Variants in LY75 observed in about 807,000 individuals in gnomAD.
The protein encoded by LY75 is C-type lectin domain family 13 member B.
In LY75, 185 loss-of-function variants were observed where a neutral mutation model predicts 231.7. That is an observed-to-expected ratio of 0.80 (90% confidence interval 0.71 to 0.90). LY75 has a LOEUF of 0.90. Among genes scored for constraint, LY75 ranks in the 40% least tolerant of loss-of-function variants. LY75 has a pLI of 0.00. For synonymous variants in LY75, 668 were observed against 689.0 expected (o/e 0.97, Z 0.48); for missense variants, 1,947 against 2,050.2 (o/e 0.95, Z 0.97).
intron 33 of LY75, chr2:159,808,089 G>A (rs908606247): frequency 4.9e-5 from 48 of 984,798 alleles, no homozygotes; most frequent in African/African-American, 8.7e-5. Flanking sequence ...AAATCCATGC[G>A]GTGACAGGCA....
chr2:159,862,760 T>C (rs982152464), intron 14 of LY75, among the ~76,000 whole-genome samples: 2 of 152,220 alleles, frequency 1.3e-5, no homozygotes, highest in Admixed American at 6.5e-5. Context: ...GTGGACTGAC[T>C]AAATTTAGCT....
At chr2:159,887,421 G>A (rs1685624411) in intron 4 of LY75, among the ~76,000 whole-genome samples, 1 of 151,764 alleles carries the variant, frequency 6.6e-6, no homozygotes, top group Non-Finnish European at 1.5e-5. Context: ...AGCCAGGTGT[G>A]GTGGCGTGTG....
intron 4 of LY75, among the ~76,000 whole-genome samples, chr2:159,887,581 A>AAAAAAAAAAAAAAG (rs1685633441): frequency 6.7e-6 from 1 of 149,646 alleles, no homozygotes; most frequent in Admixed American, 6.7e-5. Flanking sequence ...AAAAAAAAAA[A>AAAAAAAAAAAAAAG]AAAGAAAAAA....
At chr2:159,805,358 C>T (rs1395162513) in intron 34 of LY75, 136 bp from the exon 35 acceptor site, 6 of 567,470 alleles carry the variant, frequency 1.1e-5, no homozygotes, top group Non-Finnish European at 1.5e-5. Context: ...TGTTTCATAG[C>T]GCTAACATAG....
At chr2:159,849,875 A>T in intron 23 of LY75, 105 bp downstream of exon 23, 1 of 1,431,664 alleles carries the variant, frequency 7.0e-7, no homozygotes, top group Non-Finnish European at 9.4e-7. Flanking sequence ...TGGACATTTC[A>T]TACAAATGGA....
chr2:159,835,726 A>G, intron 25 of LY75, 81 bp from the exon 26 acceptor site: 1 of 1,529,350 alleles, frequency 6.5e-7, no homozygotes, highest in Non-Finnish European at 8.7e-7. Context: ...GGTCAATCTA[A>G]TGATTTTTAA....
intron 25 of LY75, among the ~76,000 whole-genome samples, chr2:159,837,993 A>G (rs1471375025): frequency 1.3e-5 from 2 of 152,126 alleles, no homozygotes; most frequent in East Asian, 3.9e-4. Context: ...TGGGTACTTG[A>G]GTGACCCACT....
At chr2:159,873,670 A>G (rs976378992) in intron 12 of LY75, among the ~76,000 whole-genome samples, 1 of 149,508 alleles carries the variant, frequency 6.7e-6, no homozygotes, top group Middle Eastern at 3.2e-3. Context: ...TGTTTATGGA[A>G]CTAGCTGACT....
At chr2:159,822,629 G>A (rs1363954547) in intron 28 of LY75, among the ~76,000 whole-genome samples, 3 of 152,216 alleles carry the variant, frequency 2.0e-5, no homozygotes, top group Non-Finnish European at 4.4e-5. Context: ...CTAAGGGTCA[G>A]ACTGCCTCCT....
At chr2:159,810,201 T>C (rs1300350727) in intron 32 of LY75, among the ~76,000 whole-genome samples, 1 of 152,026 alleles carries the variant, frequency 6.6e-6, no homozygotes, top group Non-Finnish European at 1.5e-5. Context: ...ACCCAGCTAA[T>C]TTTTGTATTT....
chr2:159,849,534 G>GT (rs1684315988), intron 23 of LY75, among the ~76,000 whole-genome samples: 1 of 152,114 alleles, frequency 6.6e-6, no homozygotes, highest in African/African-American at 2.4e-5. Flanking sequence ...CTACATGATG[G>GT]TTTTATATGG....
intron 18 of LY75, 110 bp downstream of exon 18, chr2:159,854,250 A>G (rs1334516008): frequency 5.9e-6 from 5 of 850,804 alleles, no homozygotes; most frequent in Non-Finnish European, 6.3e-6. Context: ...CAGATTTTAC[A>G]TTAAAGAAAA....
chr2:159,864,880 G>A lies in LY75; in HGVS notation c.2158C>T (p.Pro720Ser), dbSNP rs1483389324. ...WLWIGLNKRS[P>S]DLQGSWQWSD... Reference sequence around the variant, plus strand: ...CATTGCCAGGATCCTTGTAAATCTGGGCTCCTTTTATTCAAACCAATCCAC... The same window carrying A: ...CATTGCCAGGATCCTTGTAAATCTGAGCTCCTTTTATTCAAACCAATCCAC... Residue 720 changes from proline (P) to serine (S), a missense_variant, in exon 14 of 35, where the codon CCA becomes TCA. Physicochemically the swap from Pro to Ser is moderately conservative, Grantham distance 74. Coordinates refer to ENST00000263636, the MANE Select transcript of LY75 (RefSeq NM_002349.4). 6.2e-7 allele frequency: 1 copy of A among 1,604,226 alleles called. No individual in the cohort carries two copies. The highest frequency in any genetic ancestry group is 1.7e-5 in the Admixed American group (1 of 58,524).
chr2:159,873,003 A>T (rs942309762), intron 12 of LY75, among the ~76,000 whole-genome samples: 1 of 152,196 alleles, frequency 6.6e-6, no homozygotes, highest in Non-Finnish European at 1.5e-5. Context: ...ACAGTGACCC[A>T]CACAAAAATA....
chr2:159,899,086 A>T, intron 1 of LY75, 27 bp from the exon 2 acceptor site: 2 of 1,599,158 alleles, frequency 1.3e-6, no homozygotes, highest in Non-Finnish European at 1.7e-6. Flanking sequence ...GACAGATTGT[A>T]GATTATGTGG....
chr2:159,840,710 G>T lies in LY75; in HGVS notation c.3507+19C>A, dbSNP rs1377829774. 6.2e-7 allele frequency: 1 copy of T among 1,613,932 alleles called. No homozygotes were observed. Among genetic ancestry groups the T allele is most frequent in the African/African-American group, 1.3e-5 (1 of 75,008 alleles). On this transcript the variant is annotated intron_variant, in intron 25 of 34. Coordinates refer to ENST00000263636, the MANE Select transcript of LY75 (RefSeq NM_002349.4). ...CGCTTTCCATCACCCAGTCCTGGCA[G>T]TTGGGACTGAACACTTACATCTTGA...
chr2:159,846,973 C>T (rs1163039806), intron 23 of LY75, among the ~76,000 whole-genome samples: 4 of 152,056 alleles, frequency 2.6e-5, no homozygotes, highest in Admixed American at 1.3e-4. Context: ...TTTTAAAAAC[C>T]AAGTGCTCTT....
At chr2:159,811,673 G>A (rs562743556) in intron 31 of LY75, among the ~76,000 whole-genome samples, 1 of 152,256 alleles carries the variant, frequency 6.6e-6, no homozygotes, top group East Asian at 1.9e-4. Context: ...TCTGTGATTA[G>A]AGAGGAATGG....
At chr2:159,810,385 G>T in intron 32 of LY75, 141 bp downstream of exon 32, 2 of 1,145,848 alleles carry the variant, frequency 1.7e-6, no homozygotes, top group Non-Finnish European at 2.4e-6. Flanking sequence ...CTACCACTGG[G>T]CAATTAGTTT....
Sources: allele counts gnomAD v4.1 joint callset (sites outside exome capture counted in the v4.1 genomes callset), GRCh38; gene constraint gnomAD v4.1.1; transcripts MANE v1.5; gene names NCBI Gene and HGNC (gene_info 2026-07-23, HGNC 2026-07-21).